MTUS2: variants seen among roughly 807,000 people sequenced by gnomAD.
MTUS2 encodes microtubule-associated tumor suppressor candidate 2.
MTUS2 carries 40 observed loss-of-function variants against 114.1 expected under a neutral mutation model. That is an observed-to-expected ratio of 0.35 (90% confidence interval 0.27 to 0.46). The LOEUF (loss-of-function observed/expected upper bound fraction) is 0.46. MTUS2 is among the 20% of genes least tolerant of loss of function. The pLI, the probability that MTUS2 is intolerant of heterozygous loss-of-function variation, is 1.00. For missense variants in MTUS2, 1,679 were observed against 1,705.4 expected (o/e 0.98, Z 0.27); for synonymous variants, 688 against 672.0 (o/e 1.02, Z -0.37).
intron 5 of MTUS2, among the ~76,000 whole-genome samples, chr13:29,230,211 G>A (rs577398533): frequency 3.3e-5 from 5 of 152,072 alleles, no homozygotes; most frequent in South Asian, 2.1e-4. Flanking sequence ...ACGCCACTGC[G>A]CCCCAGCCTG....
At chr13:28,941,938 A>T (rs1882263049) in intron 2 of MTUS2, among the ~76,000 whole-genome samples, 1 of 152,330 alleles carries the variant, frequency 6.6e-6, no homozygotes, top group Admixed American at 6.5e-5. Flanking sequence ...TCGTCTTTCA[A>T]ATGTTGATGC....
chr13:28,900,605 G>A (rs999919663), intron 2 of MTUS2, among the ~76,000 whole-genome samples: 1 of 152,136 alleles, frequency 6.6e-6, no homozygotes, highest in Non-Finnish European at 1.5e-5. Flanking sequence ...CCAAGTTGTT[G>A]TATCAATAGT....
At chr13:29,273,799 CT>C (rs1459728788) in intron 5 of MTUS2, among the ~76,000 whole-genome samples, 1 of 151,890 alleles carries the variant, frequency 6.6e-6, no homozygotes, top group African/African-American at 2.4e-5. Context: ...AATATTTGTC[CT>C]TTTGTAAATG....
intron 5 of MTUS2, among the ~76,000 whole-genome samples, chr13:29,193,087 G>T (rs920931145): frequency 6.6e-6 from 1 of 152,180 alleles, no homozygotes; most frequent in Non-Finnish European, 1.5e-5. Flanking sequence ...AATGTTGAAA[G>T]AGGTTCATTT....
intron 4 of MTUS2, among the ~76,000 whole-genome samples, chr13:29,076,608 C>G (rs1170327434): frequency 6.6e-6 from 1 of 152,204 alleles, no homozygotes; most frequent in African/African-American, 2.4e-5. Flanking sequence ...CTCAGTTCCT[C>G]CCCATGTGAA....
chr13:29,484,689 T>C (rs569694376), intron 10 of MTUS2, among the ~76,000 whole-genome samples: 2 of 152,336 alleles, frequency 1.3e-5, no homozygotes, highest in Non-Finnish European at 2.9e-5. Flanking sequence ...TCTCATCCCA[T>C]GTAGGATGGG....
At chr13:28,898,788 C>T (rs1045920160) in intron 2 of MTUS2, among the ~76,000 whole-genome samples, 2 of 152,150 alleles carry the variant, frequency 1.3e-5, no homozygotes, top group African/African-American at 2.4e-5. Context: ...CAAATAATAT[C>T]ATGTAATGGG....
intron 5 of MTUS2, among the ~76,000 whole-genome samples, chr13:29,191,632 A>G (rs922222536): frequency 6.6e-6 from 1 of 152,100 alleles, no homozygotes; most frequent in Non-Finnish European, 1.5e-5. Flanking sequence ...GCCAGCACTG[A>G]ATCCCCCTGG....
chr13:28,952,481 C>G (rs1436134464), intron 2 of MTUS2, among the ~76,000 whole-genome samples: 1 of 152,186 alleles, frequency 6.6e-6, no homozygotes, highest in African/African-American at 2.4e-5. Flanking sequence ...ATATCATATG[C>G]ATGGGAATCA....
chr13:28,910,672 GC>G (rs1274154923), intron 2 of MTUS2, among the ~76,000 whole-genome samples: 1 of 151,880 alleles, frequency 6.6e-6, no homozygotes, highest in Non-Finnish European at 1.5e-5. Flanking sequence ...GAGGATAACA[GC>G]TTCCAGCTCC....
intron 5 of MTUS2, among the ~76,000 whole-genome samples, chr13:29,236,805 C>G (rs780232978): frequency 3.9e-5 from 6 of 152,176 alleles, no homozygotes; most frequent in Non-Finnish European, 8.8e-5. Context: ...TCCTGACTTT[C>G]TGGAAGGGAA....
chr13:28,826,747 T>C (rs1874296386), intron 1 of MTUS2, among the ~76,000 whole-genome samples: 1 of 152,236 alleles, frequency 6.6e-6, no homozygotes, highest in South Asian at 2.1e-4. Context: ...TGATTTTAAG[T>C]GCTTTTCCCC....
intron 5 of MTUS2, among the ~76,000 whole-genome samples, chr13:29,253,325 C>T (rs1270014871): frequency 1.3e-5 from 2 of 151,856 alleles, no homozygotes; most frequent in African/African-American, 4.8e-5. Context: ...ACTCGGGAGG[C>T]TGAGACAGGA....
chr13:29,063,299 T>TA, intron 4 of MTUS2, among the ~76,000 whole-genome samples: 1 of 152,208 alleles, frequency 6.6e-6, no homozygotes, highest in Non-Finnish European at 1.5e-5. Context: ...TTTGTGCATA[T>TA]GGTAAATGCA....
intron 2 of MTUS2, among the ~76,000 whole-genome samples, chr13:28,848,485 A>G (rs1421824368): frequency 6.6e-6 from 1 of 152,122 alleles, no homozygotes; most frequent in Admixed American, 6.6e-5. Flanking sequence ...GGATTACATT[A>G]TACGATAAAT....
At chr13:28,904,043 C>G (rs1879820897) in intron 2 of MTUS2, among the ~76,000 whole-genome samples, 1 of 152,174 alleles carries the variant, frequency 6.6e-6, no homozygotes, top group Admixed American at 6.5e-5. Flanking sequence ...TGTCTTTTGG[C>G]TGCATAAATG....
chr13:29,484,160 T>C (rs1471631846), intron 10 of MTUS2: 2 of 152,254 alleles, frequency 1.3e-5, no homozygotes, highest in Non-Finnish European at 2.9e-5. Context: ...GGAGTTTAAA[T>C]TTGCTTTGTC....
chr13:28,868,039 A>G (rs150132577), intron 2 of MTUS2, among the ~76,000 whole-genome samples: 16 of 152,296 alleles, frequency 1.1e-4, no homozygotes, highest in African/African-American at 3.4e-4. Context: ...AACTCAGAAC[A>G]CTTTCTGGTC....
chr13:29,291,871 T>C (rs570100285), intron 6 of MTUS2, among the ~76,000 whole-genome samples: 2 of 152,336 alleles, frequency 1.3e-5, no homozygotes, highest in East Asian at 1.9e-4. Flanking sequence ...ACCAGGACTT[T>C]CTTTTCTCAG....
Sources: gnomAD v4.1 joint callset for allele counts (sites outside exome capture counted in the v4.1 genomes callset) on GRCh38, gnomAD v4.1.1 for gene constraint, MANE v1.5 for transcripts, NCBI Gene and HGNC (gene_info 2026-07-23, HGNC 2026-07-21) for gene names.